Variants in PSMC4 observed in about 807,000 individuals in gnomAD.
PSMC4 encodes the protein 26S proteasome regulatory subunit 6B.
In PSMC4, 13 loss-of-function variants were observed where a neutral mutation model predicts 48.4. The ratio of observed to expected loss-of-function variants is 0.27; its 90% confidence interval spans 0.18 to 0.43. The LOEUF (loss-of-function observed/expected upper bound fraction) is 0.43. Among genes scored for constraint, PSMC4 ranks in the 20% least tolerant of loss-of-function variants. The pLI is 1.00. For missense variants in PSMC4, 262 were observed against 555.9 expected, an observed-to-expected ratio of 0.47 and a Z score of 5.32; for synonymous variants, 202 against 212.3, an observed-to-expected ratio of 0.95 and a Z score of 0.42.
Position 39,972,814 on chromosome 19 carries a change from C to T in PSMC4, c.322+259C>T, listed in dbSNP as rs916593164. Among the ~76,000 whole-genome samples the T allele has an allele frequency of 4.9e-4, 74 of 151,882 alleles. 1 individual carries two copies. The highest frequency in any genetic ancestry group is 5.9e-5 in the Non-Finnish European group (4 of 67,998). Reference sequence around the variant, plus strand: ...AGGCTGGAGTGCAATGGCATGATCTCGGCTCACTGCAACCTCCACCTCCCA... The same window carrying T: ...AGGCTGGAGTGCAATGGCATGATCTTGGCTCACTGCAACCTCCACCTCCCA... On this transcript the variant is annotated intron_variant, in intron 3 of 10. Coordinates refer to ENST00000157812, the MANE Select transcript of PSMC4 (RefSeq NM_006503.4).
intron 3 of PSMC4, among the ~76,000 whole-genome samples, chr19:39,973,690 G>T (rs1372256012): frequency 2.0e-5 from 3 of 151,524 alleles, no homozygotes; most frequent in East Asian, 3.9e-4. Context: ...TTGCCCTCTT[G>T]ATAGTCATTG....
intron 6 of PSMC4, among the ~76,000 whole-genome samples, chr19:39,978,962 T>C (rs1971247323): frequency 1.3e-5 from 2 of 151,962 alleles, no homozygotes; most frequent in Admixed American, 1.3e-4. Flanking sequence ...CAGTAAGCTA[T>C]GATGATACCA....
At chr19:39,973,581 TAAAAA>T (rs11320252) in intron 3 of PSMC4, among the ~76,000 whole-genome samples, 4 of 96,968 alleles carry the variant, frequency 4.1e-5, no homozygotes, top group South Asian at 3.6e-4. Context: ...ACACTCTGTC[TAAAAA>T]AAAAAAAAAA....
At chr19:39,978,131 C>T (rs577655890) in intron 6 of PSMC4, among the ~76,000 whole-genome samples, 10 of 151,964 alleles carry the variant, frequency 6.6e-5, no homozygotes, top group Non-Finnish European at 1.3e-4. Context: ...TCTTGTTTTT[C>T]GGGGGGAATT....
rs1971265452 is a variant in PSMC4 at position 39,980,174 on chromosome 19, G to C, written c.918+28G>C. ...TTGGGGTTTGGGATGGACAAGGGGA[G>C]GTGTGGTGTAGGAACTGGGGAAAGT... On this transcript the variant is annotated intron_variant, in intron 8 of 10. Coordinates refer to ENST00000157812, the MANE Select transcript of PSMC4 (RefSeq NM_006503.4). The surrounding 1 kb of genome is among the most constrained non-coding windows in gnomAD (Gnocchi z 4.8). The C allele has an allele frequency of 4.3e-6, 7 of 1,613,890 alleles. No individual in the cohort carries two copies. The highest frequency in any genetic ancestry group is 5.1e-6 in the Non-Finnish European group (6 of 1,179,952).
chr19:39,974,754 G>A lies in PSMC4; in HGVS notation c.599G>A (p.Arg200Gln), dbSNP rs1408045834. Reference protein sequence around the residue: ...LYKQIGIDPPRGVLMYGPPGC... With the variant: ...LYKQIGIDPPQGVLMYGPPGC... ...TTTCAGATCGGCATCGATCCCCCCC[G>A]AGGCGTCCTCATGTATGGCCCACCT... Residue 200 changes from arginine to glutamine, a missense_variant, in exon 6 of 11, where the codon CGA (arginine) becomes CAA (glutamine). Arg to Gln is a conservative substitution (Grantham distance 43, BLOSUM62 1). Coordinates refer to ENST00000157812, the MANE Select transcript of PSMC4 (RefSeq NM_006503.4). This position sits in a 1 kb window ranked among gnomAD's most constrained non-coding sequence, Gnocchi z 5.5. 7 of 1,614,100 alleles carry A rather than the reference G, an allele frequency of 4.3e-6. No homozygotes were observed. The highest frequency in any genetic ancestry group is 5.9e-6 in the Non-Finnish European group (7 of 1,180,014).
Position 39,974,282 on chromosome 19 carries a change from C to T in PSMC4, c.323-12C>T. On this transcript the variant is annotated splice_polypyrimidine_tract_variant and intron_variant, in intron 3 of 10. Transcript: ENST00000157812. This position sits in a 1 kb window ranked among gnomAD's most constrained non-coding sequence, Gnocchi z 5.5. Reference sequence around the variant, plus strand: ...GCTGACACTTCTCGTTTTCCTCTCTCCCTTCTCGCAGGCTCCAACTATTAT... The same window carrying T: ...GCTGACACTTCTCGTTTTCCTCTCTTCCTTCTCGCAGGCTCCAACTATTAT... 1 of 1,613,610 alleles carries T rather than the reference C, an allele frequency of 6.2e-7. No individual in the cohort carries two copies. Among genetic ancestry groups the T allele is most frequent in the Non-Finnish European group, 8.5e-7 (1 of 1,179,658 alleles).
In PSMC4 at chr19:39,980,186, G is replaced by A. The variant is rs766600606; in HGVS notation, c.918+40G>A. 3.5e-5 allele frequency: 57 copies of A among 1,613,682 alleles called. 1 individual carries two copies. The East Asian group carries it at 1.2e-3, about 35-fold the overall frequency. On this transcript the variant is annotated intron_variant, in intron 8 of 10. Transcript: ENST00000157812. This position sits in a 1 kb window ranked among gnomAD's most constrained non-coding sequence, Gnocchi z 4.8. The stretch of plus-strand genomic sequence containing the variant: ...ATGGACAAGGGGAGGTGTGGTGTAG[G>A]AACTGGGGAAAGTTGGGGGCTGGCA...
In PSMC4 at chr19:39,980,454, T is replaced by C. The variant is rs762917882; in HGVS notation, c.1087T>C (p.Tyr363His). Residue 363 changes from tyrosine to histidine, a missense_variant and splice_region_variant, in exon 9 of 11, where the codon TAT (tyrosine) becomes CAT (histidine). This residue lies in a region of PSMC4 where 84 missense variants were observed against 157.8 expected (regional missense o/e 0.53). Coordinates refer to ENST00000157812, the MANE Select transcript of PSMC4 (RefSeq NM_006503.4). The surrounding 1 kb of genome is among the most constrained non-coding windows in gnomAD (Gnocchi z 4.8). The part of the protein sequence containing the change: ...NLSEEVDLED[Y>H]VARPDKISGA... ...CTCTGAGGAGGTTGACTTGGAAGAC[T>C]GTATCCTGCTCCAGAAGTCAGGGAG... The C allele has an allele frequency of 1.2e-6, 2 of 1,613,940 alleles. No homozygotes were observed. The highest frequency in any genetic ancestry group is 2.2e-5 in the East Asian group (1 of 44,882).
At chr19:39,972,063 G>T in intron 1 of PSMC4, 83 bp from the exon 2 acceptor site, 1 of 1,277,356 alleles carries the variant, frequency 7.8e-7, no homozygotes, top group Non-Finnish European at 1.1e-6. Flanking sequence ...GTGAAGTGGG[G>T]AGGGGAACAA....
At chr19:39,979,101 A>G (rs1319740071) in intron 6 of PSMC4, among the ~76,000 whole-genome samples, 1 of 152,220 alleles carries the variant, frequency 6.6e-6, no homozygotes, top group Non-Finnish European at 1.5e-5. Context: ...TGGTCCTTAT[A>G]GCAAACAGGA....
intron 6 of PSMC4, among the ~76,000 whole-genome samples, chr19:39,978,774 T>C (rs976947867): frequency 6.6e-6 from 1 of 152,078 alleles, no homozygotes; most frequent in Non-Finnish European, 1.5e-5. Flanking sequence ...CCCAGCACTT[T>C]GGAAGGCTAA....
chr19:39,975,501 A>C (rs926071552), intron 6 of PSMC4, among the ~76,000 whole-genome samples: 5 of 151,988 alleles, frequency 3.3e-5, no homozygotes, highest in Admixed American at 3.3e-4. Context: ...AATCTTAAGC[A>C]TATGTTCAGA....
intron 6 of PSMC4, among the ~76,000 whole-genome samples, chr19:39,976,512 C>CTTTTTTTTTTTT (rs561360469): frequency 7.6e-6 from 1 of 131,082 alleles, no homozygotes; most frequent in African/African-American, 2.8e-5. Context: ...CGTAAAGTTT[C>CTTTTTTTTTTTT]TTTTTTTTTT....
chr19:39,971,739 A>G (rs1421355087), intron 1 of PSMC4, among the ~76,000 whole-genome samples: 1 of 152,012 alleles, frequency 6.6e-6, no homozygotes, highest in Non-Finnish European at 1.5e-5. Context: ...CTTTGAGGGG[A>G]AACTGGGGAA....
chr19:39,972,082 G>A (rs1327725325), intron 1 of PSMC4, 64 bp from the exon 2 acceptor site: 4 of 1,457,764 alleles, frequency 2.7e-6, no homozygotes, highest in Non-Finnish European at 3.8e-6. Flanking sequence ...AAACATTAGT[G>A]AAGTTGGGAA....
Position 39,972,554 on chromosome 19 carries a change from A to G in PSMC4, c.321A>G (p.Thr107=). 1 of 1,609,484 alleles carries G rather than the reference A, an allele frequency of 6.2e-7. No individual in the cohort carries two copies. The highest frequency in any genetic ancestry group is 8.5e-7 in the Non-Finnish European group (1 of 1,176,888). ...ATACAGCCATCGTGGGCTCTACCACAGGTGTGCTAAGGACACCTCATTCAT... is the reference window on the plus strand; with the variant it reads ...ATACAGCCATCGTGGGCTCTACCACGGGTGTGCTAAGGACACCTCATTCAT... The part of the protein sequence containing the change: ...DQNTAIVGST[T]GSNYYVRILS... Residue 107 remains threonine (T), a splice_region_variant and synonymous_variant, in exon 3 of 11, where the codon ACA becomes ACG. Coordinates refer to ENST00000157812, the MANE Select transcript of PSMC4 (RefSeq NM_006503.4).
rs144139803 is a variant in PSMC4, at chr19:39,980,008, C to T, written c.841+24C>T. 2.1e-5 allele frequency: 34 copies of T among 1,613,706 alleles called. No homozygotes were observed. Among genetic ancestry groups the T allele is most frequent in the African/African-American group, 4.0e-5 (3 of 74,972 alleles). ...GGGTAAGTGATGCTGAAACAAGGCC[C>T]GGGGTCTTGGACAGGCTTGTCGCAT... On this transcript the variant is annotated intron_variant, in intron 7 of 10. Coordinates refer to ENST00000157812, the MANE Select transcript of PSMC4 (RefSeq NM_006503.4). This position sits in a 1 kb window ranked among gnomAD's most constrained non-coding sequence, Gnocchi z 4.8.
chr19:39,977,381 G>C (rs921725970), intron 6 of PSMC4, among the ~76,000 whole-genome samples: 6 of 152,260 alleles, frequency 3.9e-5, no homozygotes, highest in Admixed American at 3.9e-4. Context: ...TCCCACTAGA[G>C]ACCCTCACTT....
Sources: allele counts gnomAD v4.1 joint callset (sites outside exome capture counted in the v4.1 genomes callset), GRCh38; gene constraint gnomAD v4.1.1; regional missense constraint gnomAD v4.1.1; non-coding constraint Gnocchi (gnomAD v3.1); transcripts MANE v1.5; gene names NCBI Gene and HGNC (gene_info 2026-07-23, HGNC 2026-07-21).